SVIL: variants seen among roughly 807,000 people sequenced by gnomAD.
SVIL encodes the protein archvillin.
In SVIL, 101 loss-of-function variants were observed where a neutral mutation model predicts 240.4. That is an observed-to-expected ratio of 0.42 (90% CI 0.36 to 0.50). The LOEUF (loss-of-function observed/expected upper bound fraction) is 0.50. Ranked by LOEUF, SVIL falls within the 20% of genes least tolerant of loss-of-function variation. The pLI, the probability that SVIL is intolerant of heterozygous loss-of-function variation, is 0.01. For missense variants in SVIL, 2,512 were observed against 2,818.7 expected, an observed-to-expected ratio of 0.89 and a Z score of 2.46; for synonymous variants, 999 against 1,100.0, an observed-to-expected ratio of 0.91 and a Z score of 1.82.
intron 3 of SVIL, among the ~76,000 whole-genome samples, chr10:29,643,209 G>A (rs1404534152): frequency 6.6e-6 from 1 of 152,178 alleles, no homozygotes; most frequent in Non-Finnish European, 1.5e-5. Context: ...CAGAGCATTG[G>A]CCAGGACTGT....
intron 8 of SVIL, 92 bp from the exon 9 acceptor site, chr10:29,532,264 G>C (rs780770142): frequency 5.7e-5 from 82 of 1,447,074 alleles, no homozygotes; most frequent in Non-Finnish European, 7.4e-5. Flanking sequence ...CGTGAGTCAA[G>C]GGACAGACAC....
intron 6 of SVIL, among the ~76,000 whole-genome samples, chr10:29,536,316 C>A (rs1028167031): frequency 6.6e-5 from 10 of 152,004 alleles, no homozygotes; most frequent in African/African-American, 9.7e-5. Flanking sequence ...GTGCTTATTA[C>A]CTGGGTGACA....
chr10:29,726,935 A>G (rs1667028434), intron 1 of SVIL, among the ~76,000 whole-genome samples: 1 of 152,148 alleles, frequency 6.6e-6, no homozygotes, highest in African/African-American at 2.4e-5. Flanking sequence ...TTGTTTATTT[A>G]CAAATGTATC....
intron 1 of SVIL, among the ~76,000 whole-genome samples, chr10:29,619,563 C>T (rs932201787): frequency 3.3e-5 from 5 of 152,184 alleles, no homozygotes; most frequent in Admixed American, 2.6e-4. Context: ...CTTTCCAAAG[C>T]CCACCACTTC....
chr10:29,517,693 G>A (rs773721286), intron 16 of SVIL, among the ~76,000 whole-genome samples: 13 of 152,306 alleles, frequency 8.5e-5, no homozygotes, highest in East Asian at 1.9e-4. Context: ...CCATAGAGGC[G>A]TGAGGTGGAT....
At chr10:29,548,353 A>G (rs1257457366) in intron 6 of SVIL, among the ~76,000 whole-genome samples, 2 of 152,124 alleles carry the variant, frequency 1.3e-5, no homozygotes, top group Non-Finnish European at 2.9e-5. Flanking sequence ...CTGGGAAACT[A>G]TTGCTTGTTT....
At chr10:29,470,803 G>A (rs926490487) in intron 31 of SVIL, among the ~76,000 whole-genome samples, 6 of 152,120 alleles carry the variant, frequency 3.9e-5, no homozygotes, top group African/African-American at 1.4e-4. Flanking sequence ...CTAGAGCTAA[G>A]ATTTTTTTGG....
Position 29,633,236 on chromosome 10 carries a change from CAAA to C in SVIL, c.-201+1181_-201+1183del, listed in dbSNP as rs5784146. On this transcript the variant is annotated intron_variant, in intron 1 of 37. Coordinates refer to ENST00000355867, the MANE Select transcript of SVIL (RefSeq NM_021738.3). The stretch of plus-strand genomic sequence containing the variant: ...TGGGTGACAGCACGAGACTCCATCT[CAAA>C]AAAAAAAAAAAAAAAAAAAGACATC... 1.1e-3 allele frequency among the ~76,000 whole-genome samples: 78 copies of C among 71,064 alleles called. No homozygotes were observed. The South Asian group carries it at 0.021, about 19-fold the overall frequency. 46.6% of individuals were successfully genotyped at this position (71,064 alleles called of 152,430 possible).
At chr10:29,605,223 A>C (rs1956975511) in intron 1 of SVIL, among the ~76,000 whole-genome samples, 3 of 152,204 alleles carry the variant, frequency 2.0e-5, no homozygotes. Flanking sequence ...TGATTTACTT[A>C]GTCCTCTACG....
At chr10:29,685,018 A>G (rs1047610502) in intron 2 of SVIL, among the ~76,000 whole-genome samples, 2 of 152,158 alleles carry the variant, frequency 1.3e-5, no homozygotes, top group Admixed American at 1.3e-4. Context: ...ATCATCACCC[A>G]GGTAGGAAGC....
intron 1 of SVIL, among the ~76,000 whole-genome samples, chr10:29,629,752 A>G (rs1958013349): frequency 1.3e-5 from 2 of 148,508 alleles, no homozygotes; most frequent in Admixed American, 1.4e-4. Context: ...CCTTAATGGG[A>G]GGATAGCTTG....
At chr10:29,634,057 CG>C (rs973942836) in intron 1 of SVIL, among the ~76,000 whole-genome samples, 1 of 152,092 alleles carries the variant, frequency 6.6e-6, no homozygotes, top group African/African-American at 2.4e-5. Context: ...ACTTGTGCTA[CG>C]ATTATTAAAG....
rs773515709 is a variant in SVIL at position 29,512,844 on chromosome 10, T to G, written c.3407A>C (p.Lys1136Thr). 1 of 1,611,252 alleles carries G rather than the reference T, an allele frequency of 6.2e-7. No individual in the cohort carries two copies. Among genetic ancestry groups the G allele is most frequent in the Non-Finnish European group, 8.5e-7 (1 of 1,179,992 alleles). ...GTTTCTCCAATCTTCCTCCCCGCTT[T>G]TCTTCAACAGTGCCAATCTAGGAGG... ...SIKERLALLK[K>T]SGEEDWRNRL... Residue 1136 changes from lysine to threonine, a missense_variant, in exon 17 of 38, where the codon AAA becomes ACA. Lys to Thr is a moderately conservative substitution (Grantham distance 78, BLOSUM62 -1). This residue lies in a region of SVIL where 1,443 missense variants were observed against 1,486.6 expected (regional missense o/e 0.97). Coordinates refer to ENST00000355867, the MANE Select transcript of SVIL (RefSeq NM_021738.3).
intron 12 of SVIL, 97 bp from the exon 13 acceptor site, chr10:29,527,153 A>G (rs1305510009): frequency 8.9e-6 from 10 of 1,117,484 alleles, no homozygotes; most frequent in Non-Finnish European, 1.3e-5. Context: ...ACGTTAAATC[A>G]AAAATTTTAA....
chr10:29,500,924 A>AT (rs1948840200), intron 17 of SVIL, among the ~76,000 whole-genome samples: 1 of 151,684 alleles, frequency 6.6e-6, no homozygotes, highest in African/African-American at 2.4e-5. Context: ...CATTTTCTTA[A>AT]CCCCTGGAAT....
intron 17 of SVIL, among the ~76,000 whole-genome samples, chr10:29,507,326 A>G (rs1949440394): frequency 6.6e-6 from 1 of 152,162 alleles, no homozygotes; most frequent in African/African-American, 2.4e-5. Context: ...CTGACTCAGG[A>G]TCGAAGCTCA....
intron 1 of SVIL, among the ~76,000 whole-genome samples, chr10:29,705,504 T>C (rs936614323): frequency 6.6e-6 from 1 of 152,036 alleles, no homozygotes; most frequent in Admixed American, 6.6e-5. Context: ...AAGTTCGGGA[T>C]ACAAGTGCAG....
chr10:29,502,665 A>G (rs1948988969), intron 17 of SVIL, among the ~76,000 whole-genome samples: 1 of 151,832 alleles, frequency 6.6e-6, no homozygotes, highest in South Asian at 2.1e-4. Flanking sequence ...GTGTATGTGT[A>G]TGCACATGTG....
At chr10:29,719,767 A>G (rs190722639) in intron 1 of SVIL, among the ~76,000 whole-genome samples, 41 of 152,294 alleles carry the variant, frequency 2.7e-4, no homozygotes, top group African/African-American at 9.4e-4. Context: ...GAAATATCCA[A>G]AATGAAAAAC....
Sources: gnomAD v4.1 joint callset for allele counts (sites outside exome capture counted in the v4.1 genomes callset) on GRCh38, gnomAD v4.1.1 for gene constraint, gnomAD v4.1.1 regional missense constraint, MANE v1.5 for transcripts, NCBI Gene and HGNC (gene_info 2026-07-23, HGNC 2026-07-21) for gene names.